The following ANKRD33B variants were observed in gnomAD, a reference collection of about 807,000 sequenced individuals.
ANKRD33B encodes ankyrin repeat domain-containing protein 33B.
A neutral mutation model predicts 21.5 loss-of-function variants in ANKRD33B; 6 were observed. The ratio of observed to expected loss-of-function variants is 0.28; its 90% CI spans 0.15 to 0.55. The LOEUF (loss-of-function observed/expected upper bound fraction) is 0.55, where lower values mean the gene tolerates loss of function less well. Ranked by LOEUF, ANKRD33B falls within the 20% of genes least tolerant of loss-of-function variation. The pLI is 0.94. For synonymous variants in ANKRD33B, 347 were observed against 342.4 expected, an observed-to-expected ratio of 1.01 and a Z score of -0.15; for missense variants, 698 against 747.2, an observed-to-expected ratio of 0.93 and a Z score of 0.77.
chr5:10,611,745 G>A (rs1218787387), intron 1 of ANKRD33B, among the ~76,000 whole-genome samples: 1 of 152,214 alleles, frequency 6.6e-6, no homozygotes, highest in Non-Finnish European at 1.5e-5. Context: ...TCACACTTGG[G>A]GAGTGTATTT....
intron 3 of ANKRD33B, among the ~76,000 whole-genome samples, chr5:10,638,538 AG>A (rs1461760948): frequency 6.6e-6 from 1 of 152,234 alleles, no homozygotes; most frequent in Admixed American, 6.5e-5. Context: ...AGGTGGGCGT[AG>A]GGATGGTGGG....
intron 1 of ANKRD33B, among the ~76,000 whole-genome samples, chr5:10,588,669 A>G (rs914726813): frequency 3.3e-5 from 5 of 152,226 alleles, no homozygotes; most frequent in Admixed American, 3.3e-4. Flanking sequence ...ATGATTTGCC[A>G]TATCCTTTTT....
chr5:10,641,229 T>TCTTCTTC (rs1737051572), intron 3 of ANKRD33B, among the ~76,000 whole-genome samples: 1 of 112,064 alleles, frequency 8.9e-6, no homozygotes, highest in Non-Finnish European at 2.1e-5. Context: ...CTTCTTCTTT[T>TCTTCTTC]TTTTTTTTTT....
At chr5:10,645,370 C>T (rs1291153607) in intron 3 of ANKRD33B, among the ~76,000 whole-genome samples, 1 of 152,198 alleles carries the variant, frequency 6.6e-6, no homozygotes, top group African/African-American at 2.4e-5. Flanking sequence ...GGGCTTCACG[C>T]TCCACCCACC....
At chr5:10,623,004 G>C (rs943171222) in intron 2 of ANKRD33B, among the ~76,000 whole-genome samples, 4 of 151,984 alleles carry the variant, frequency 2.6e-5, no homozygotes, top group Non-Finnish European at 5.9e-5. Context: ...GAAGAACTCG[G>C]GTCCAGGTGC....
At position 10,650,511 on chromosome 5, in the gene ANKRD33B, A is replaced by C. The variant is rs1193969821; in HGVS notation, c.*398A>C. 6.5e-6 allele frequency: 1 copy of C among 154,962 alleles called. No homozygotes were observed. Among genetic ancestry groups the C allele is most frequent in the Non-Finnish European group, 1.4e-5 (1 of 69,948 alleles). The allele number at this position is 154,962 out of a possible 1,614,324, so 9.6% of individuals were successfully genotyped here. A position where few individuals can be genotyped will look rare whatever the true frequency, so the allele number is the denominator to read the frequency against. ...CTTATATCCAAGGCAGTTTTAATAC[A>C]CTTGCCTGAAGACCTTTTGTTTAAG... is the stretch of plus-strand genomic sequence containing the variant. On this transcript the variant is annotated 3_prime_UTR_variant, in exon 4 of 4. Coordinates refer to ENST00000296657, the MANE Select transcript of ANKRD33B (RefSeq NM_001164440.2).
chr5:10,565,598 A>G (rs1362399984), intron 1 of ANKRD33B, among the ~76,000 whole-genome samples: 1 of 152,270 alleles, frequency 6.6e-6, no homozygotes, highest in Non-Finnish European at 1.5e-5. Flanking sequence ...TCCTTTCGTT[A>G]TGACCAGATT....
intron 1 of ANKRD33B, among the ~76,000 whole-genome samples, chr5:10,568,132 G>A (rs543751863): frequency 1.3e-4 from 20 of 152,330 alleles, no homozygotes; most frequent in African/African-American, 4.6e-4. Flanking sequence ...AATGTTGGAT[G>A]TGGCTCAGCA....
chr5:10,585,467 C>T (rs1293676378), intron 1 of ANKRD33B, among the ~76,000 whole-genome samples: 3 of 152,176 alleles, frequency 2.0e-5, no homozygotes, highest in Non-Finnish European at 4.4e-5. Flanking sequence ...TTCCATTTGA[C>T]AAAGGGAGTT....
rs560067965 is a variant in ANKRD33B at position 10,624,898 on chromosome 5, G to A, written c.496+6436G>A. ...TTTCTTTGAATAGGCCTGGGGTGGG[G>A]CCCAAGAATGAGCAGATCAACAGGT... On this transcript the variant is annotated intron_variant, in intron 2 of 3. Transcript: ENST00000296657. 18 of 431,684 alleles carry A rather than the reference G, an allele frequency of 4.2e-5. No homozygotes were observed. In the East Asian group the frequency reaches 1.3e-3, roughly 31 times the overall value. 26.7% of individuals were successfully genotyped at this position (431,684 alleles called of 1,614,324 possible).
At chr5:10,634,351 G>A (rs992243191) in intron 2 of ANKRD33B, among the ~76,000 whole-genome samples, 1 of 46,682 alleles carries the variant, frequency 2.1e-5, no homozygotes, top group African/African-American at 5.8e-5. Flanking sequence ...GAGAGGGGGT[G>A]TTCTGGGGTT....
chr5:10,614,771 T>C (rs1315886424), intron 1 of ANKRD33B, among the ~76,000 whole-genome samples: 2 of 151,892 alleles, frequency 1.3e-5, no homozygotes, highest in Non-Finnish European at 2.9e-5. Context: ...CCTGTAGTCC[T>C]AGCTACTCGG....
chr5:10,617,540 T>C (rs6892156), intron 1 of ANKRD33B, among the ~76,000 whole-genome samples: 141,226 of 152,292 alleles, frequency 0.93, 65,589 homozygotes, highest in Middle Eastern at 0.97. Flanking sequence ...ACACCATCCT[T>C]GCCTGCCTGG....
intron 1 of ANKRD33B, among the ~76,000 whole-genome samples, chr5:10,575,437 AAG>A (rs1735299569): frequency 6.6e-6 from 1 of 152,032 alleles, no homozygotes; most frequent in South Asian, 2.1e-4. Context: ...AAAAAAAAAA[AAG>A]AGTCTTAATT....
At chr5:10,591,860 T>C (rs1178294031) in intron 1 of ANKRD33B, among the ~76,000 whole-genome samples, 1 of 152,170 alleles carries the variant, frequency 6.6e-6, no homozygotes, top group South Asian at 2.1e-4. Flanking sequence ...GCTTTTTCAT[T>C]TTTCTTTCAA....
intron 1 of ANKRD33B, among the ~76,000 whole-genome samples, chr5:10,616,807 G>A (rs896728325): frequency 3.9e-5 from 6 of 152,158 alleles, no homozygotes; most frequent in Admixed American, 3.3e-4. Flanking sequence ...AGGTCTCTTC[G>A]TCAACTTGGG....
chr5:10,564,138 C>G lies in ANKRD33B; in HGVS notation c.-330C>G, dbSNP rs955425435. On this transcript the variant is annotated 5_prime_UTR_variant, in exon 1 of 4. Transcript: ENST00000296657. ...GGGGCAACGCTGCCAGGTGCCCAGT[C>G]CCCGCGCTCGAGAGAGCGCCTGCCT... is the stretch of plus-strand genomic sequence containing the variant. Among the ~76,000 whole-genome samples the G allele has an allele frequency of 5.9e-5, 9 of 152,244 alleles. No individual in the cohort carries two copies. In the East Asian group the frequency reaches 1.8e-3, roughly 30 times the overall value.
In ANKRD33B at chr5:10,576,746, G is replaced by A. The variant is rs1327537311; in HGVS notation, c.366+11913G>A. Among the ~76,000 whole-genome samples the A allele has an allele frequency of 2.6e-5, 4 of 152,230 alleles. No homozygotes were observed. Among genetic ancestry groups the A allele is most frequent in the African/African-American group, 9.6e-5 (4 of 41,464 alleles). ...ATTTTAGCCAAGGGGAAAAGTGGAA[G>A]CAAATTGAATGTTTAACCAAAAGAA... On this transcript the variant is annotated intron_variant, in intron 1 of 3. Transcript: ENST00000296657. The surrounding 1 kb of genome is among the most constrained non-coding windows in gnomAD (Gnocchi z 4.1).
At chr5:10,577,170 C>T (rs923888441) in intron 1 of ANKRD33B, among the ~76,000 whole-genome samples, 1 of 151,670 alleles carries the variant, frequency 6.6e-6, no homozygotes, top group African/African-American at 2.4e-5. Flanking sequence ...ACTCTTGTTG[C>T]CCAGTCTGGA....
Sources: allele counts gnomAD v4.1 joint callset (sites outside exome capture counted in the v4.1 genomes callset), GRCh38; gene constraint gnomAD v4.1.1; non-coding constraint Gnocchi (gnomAD v3.1); transcripts MANE v1.5; gene names NCBI Gene and HGNC (gene_info 2026-07-23, HGNC 2026-07-21).